IRF2: variants seen among roughly 807,000 people sequenced by gnomAD.
IRF2 encodes the protein interferon regulatory factor 2.
In IRF2, 15 loss-of-function variants were observed where a neutral mutation model predicts 40.6. The ratio of observed to expected loss-of-function variants is 0.37; its 90% CI spans 0.25 to 0.57. IRF2 has a LOEUF of 0.57. IRF2 is among the 20% of genes least tolerant of loss of function. The pLI is 0.77. For missense variants in IRF2, 317 were observed against 455.7 expected (o/e 0.70, Z 2.77); for synonymous variants, 151 against 165.5 (o/e 0.91, Z 0.67).
intron 2 of IRF2, among the ~76,000 whole-genome samples, chr4:184,422,941 T>A (rs1204945149): frequency 1.3e-5 from 2 of 152,200 alleles, no homozygotes; most frequent in Non-Finnish European, 2.9e-5. Flanking sequence ...TTTTTTAAAC[T>A]ACATGTCACC....
At chr4:184,425,976 G>GTTT (rs199619909) in intron 2 of IRF2, among the ~76,000 whole-genome samples, 2 of 66,996 alleles carry the variant, frequency 3.0e-5, no homozygotes, top group South Asian at 4.7e-4. Flanking sequence ...GCTCACTCCG[G>GTTT]TTTTTGTTTG....
intron 5 of IRF2, among the ~76,000 whole-genome samples, chr4:184,416,147 T>C (rs1001407512): frequency 6.6e-6 from 1 of 151,838 alleles, no homozygotes; most frequent in African/African-American, 2.4e-5. Flanking sequence ...CTCACCTCTA[T>C]AAAAGAAAAT....
intron 1 of IRF2, among the ~76,000 whole-genome samples, chr4:184,441,035 C>A (rs777305317): frequency 7.9e-5 from 12 of 152,250 alleles, no homozygotes; most frequent in Non-Finnish European, 1.8e-4. Flanking sequence ...TTCCACAATA[C>A]TTGGCCTGGC....
At chr4:184,440,134 T>A (rs1738248078) in intron 1 of IRF2, among the ~76,000 whole-genome samples, 1 of 152,204 alleles carries the variant, frequency 6.6e-6, no homozygotes, top group Admixed American at 6.5e-5. Context: ...TTCTTGACTT[T>A]CCCTGGCTCA....
At chr4:184,447,669 T>C (rs1280194471) in intron 1 of IRF2, among the ~76,000 whole-genome samples, 2 of 152,230 alleles carry the variant, frequency 1.3e-5, no homozygotes, top group South Asian at 2.1e-4. Flanking sequence ...ATCAAAAGCA[T>C]GTATCACCTG....
intron 2 of IRF2, among the ~76,000 whole-genome samples, chr4:184,427,315 C>G (rs1737708554): frequency 6.6e-6 from 1 of 152,192 alleles, no homozygotes; most frequent in Non-Finnish European, 1.5e-5. Flanking sequence ...AGTGCCTCAC[C>G]TTGTTTCAGA....
chr4:184,471,471 C>A (rs1437904619), intron 1 of IRF2, among the ~76,000 whole-genome samples: 3 of 152,100 alleles, frequency 2.0e-5, no homozygotes, highest in African/African-American at 7.2e-5. Context: ...GCGTTAAGCC[C>A]TTTTTGGTAT....
chr4:184,461,898 C>T (rs1739161741), intron 1 of IRF2, among the ~76,000 whole-genome samples: 1 of 152,260 alleles, frequency 6.6e-6, no homozygotes, highest in South Asian at 2.1e-4. Context: ...GGACCTTCCT[C>T]GCAGGCTTCC....
chr4:184,402,190 A>C (rs919384061), intron 6 of IRF2, among the ~76,000 whole-genome samples: 1 of 152,218 alleles, frequency 6.6e-6, no homozygotes, highest in Non-Finnish European at 1.5e-5. Flanking sequence ...GAAAAGAAAG[A>C]AAAGAAAAAG....
intron 1 of IRF2, among the ~76,000 whole-genome samples, chr4:184,435,101 C>A (rs1242370745): frequency 2.0e-5 from 3 of 152,124 alleles, no homozygotes; most frequent in African/African-American, 7.2e-5. Flanking sequence ...GCCATTTAAC[C>A]CTTACAACCC....
At chr4:184,396,598 T>C (rs1439284334) in intron 7 of IRF2, among the ~76,000 whole-genome samples, 1 of 151,276 alleles carries the variant, frequency 6.6e-6, no homozygotes, top group Non-Finnish European at 1.5e-5. Flanking sequence ...CCACACCCGG[T>C]TAACTTTTTT....
chr4:184,419,422 T>G lies in IRF2; in HGVS notation c.187+47A>C, dbSNP rs1369889059. ...ATTTTATGTGTAATAAAAACAAAACTAAGCAAGAGTGCCTTCCTCTATAAA... is the reference window on the plus strand; with the variant it reads ...ATTTTATGTGTAATAAAAACAAAACGAAGCAAGAGTGCCTTCCTCTATAAA... On this transcript the variant is annotated intron_variant, in intron 3 of 8. Transcript: ENST00000393593. 2.4e-6 allele frequency: 3 copies of G among 1,273,664 alleles called. No homozygotes were observed. The African/African-American group carries it at 4.4e-5, about 19-fold the overall frequency. The allele number at this position is 1,273,664 out of a possible 1,614,324, so 78.9% of individuals were successfully genotyped here.
At chr4:184,400,398 G>A (rs1561086045) in intron 6 of IRF2, among the ~76,000 whole-genome samples, 1 of 152,022 alleles carries the variant, frequency 6.6e-6, no homozygotes, top group Non-Finnish European at 1.5e-5. Flanking sequence ...ATCAGTCATC[G>A]GTTCCTTTTC....
intron 2 of IRF2, among the ~76,000 whole-genome samples, chr4:184,420,248 C>T (rs1383192799): frequency 2.0e-5 from 3 of 152,120 alleles, no homozygotes; most frequent in East Asian, 3.9e-4. Flanking sequence ...AATTTATTCT[C>T]GTCGTTTGGT....
rs375531150 is a variant in IRF2, at chr4:184,471,943, T to C, written c.-7+2436A>G. 8 of 152,230 alleles carry C rather than the reference T, an allele frequency of 5.3e-5. No individual in the cohort carries two copies. In the East Asian group the frequency reaches 1.5e-3, roughly 29 times the overall value. 9.4% of individuals were successfully genotyped at this position (152,230 alleles called of 1,614,324 possible). A position where few individuals can be genotyped will look rare whatever the true frequency, so the allele number is the denominator to read the frequency against. ...ACTCACTGAGAATGAAATATGTAAA[T>C]GTTTAATTTTAACAAGCAGTTACAA... On this transcript the variant is annotated intron_variant, in intron 1 of 8. Transcript: ENST00000393593.
intron 1 of IRF2, among the ~76,000 whole-genome samples, chr4:184,440,160 G>A (rs900056952): frequency 6.6e-6 from 1 of 152,064 alleles, no homozygotes. Context: ...CACTTCCCTG[G>A]CCCTCCCACC....
chr4:184,389,384 C>G (rs752499639), intron 8 of IRF2, among the ~76,000 whole-genome samples: 58 of 152,284 alleles, frequency 3.8e-4, no homozygotes, highest in Middle Eastern at 3.4e-3. Context: ...CGCCACTGCA[C>G]TCCAGCCAGG....
intron 1 of IRF2, among the ~76,000 whole-genome samples, chr4:184,464,586 A>AT (rs1236083381): frequency 1.3e-5 from 2 of 152,214 alleles, no homozygotes; most frequent in Non-Finnish European, 2.9e-5. Context: ...ATCTGTAGCC[A>AT]TTTGTGTACA....
At chr4:184,394,538 G>A (rs1182830288) in intron 7 of IRF2, among the ~76,000 whole-genome samples, 1 of 152,194 alleles carries the variant, frequency 6.6e-6, no homozygotes, top group African/African-American at 2.4e-5. Flanking sequence ...ATCTCAAAGC[G>A]ATTGTGTCTT....
Sources: gnomAD v4.1 joint callset for allele counts (sites outside exome capture counted in the v4.1 genomes callset) on GRCh38, gnomAD v4.1.1 for gene constraint, MANE v1.5 for transcripts, NCBI Gene and HGNC (gene_info 2026-07-23, HGNC 2026-07-21) for gene names.